Variants in TMTC4 observed in about 807,000 individuals in gnomAD.
The protein encoded by TMTC4 is transmembrane O-mannosyltransferase targeting cadherins 4, also known as protein O-mannosyl-transferase TMTC4.
TMTC4 carries 65 observed loss-of-function variants against 86.0 expected under a neutral mutation model. That is an observed-to-expected ratio of 0.76 (90% confidence interval 0.62 to 0.93). The LOEUF (loss-of-function observed/expected upper bound fraction) is 0.93, where lower values mean the gene tolerates loss of function less well. Ranked by LOEUF, TMTC4 falls within the 40% of genes least tolerant of loss-of-function variation. The probability of loss-of-function intolerance (pLI) is 0.00; values close to 1 mark genes in which losing one functional copy is unlikely to be tolerated. For missense variants in TMTC4, 866 were observed against 948.1 expected (o/e 0.91, Z 1.14); for synonymous variants, 379 against 382.5 (o/e 0.99, Z 0.11).
chr13:100,642,399 C>T, intron 6 of TMTC4, 88 bp from the exon 7 acceptor site: 1 of 1,416,010 alleles, frequency 7.1e-7, no homozygotes, highest in South Asian at 1.2e-5. Context: ...AAGCAAATAC[C>T]TTAAACAACC....
intron 17 of TMTC4, among the ~76,000 whole-genome samples, chr13:100,608,058 G>A (rs1361209280): frequency 6.6e-6 from 1 of 152,226 alleles, no homozygotes; most frequent in Non-Finnish European, 1.5e-5. Context: ...AGGAAGGCCA[G>A]GGAACCACAT....
At chr13:100,674,370 G>C (rs1462412856) in intron 1 of TMTC4, 34 of 973,066 alleles carry the variant, frequency 3.5e-5, no homozygotes, top group Non-Finnish European at 4.1e-5. Flanking sequence ...TGGCCGCTCC[G>C]GGGACGCGCC....
intron 12 of TMTC4, among the ~76,000 whole-genome samples, chr13:100,629,642 A>C (rs1881053328): frequency 6.6e-6 from 1 of 152,138 alleles, no homozygotes; most frequent in South Asian, 2.1e-4. Flanking sequence ...CTTTTTCCTA[A>C]GTAAAATCAC....
chr13:100,609,757 TG>T (rs1877275123), intron 17 of TMTC4, among the ~76,000 whole-genome samples: 1 of 152,082 alleles, frequency 6.6e-6, no homozygotes, highest in African/African-American at 2.4e-5. Context: ...ATTAAGTTGT[TG>T]TGCATTTTTT....
intron 6 of TMTC4, among the ~76,000 whole-genome samples, chr13:100,642,761 C>T (rs879408411): frequency 3.3e-5 from 5 of 152,192 alleles, no homozygotes; most frequent in Non-Finnish European, 5.9e-5. Context: ...TGAGAATCTC[C>T]ACTACTCCTG....
chr13:100,657,985 A>C (rs1036169858), intron 5 of TMTC4, among the ~76,000 whole-genome samples: 1 of 152,120 alleles, frequency 6.6e-6, no homozygotes, highest in African/African-American at 2.4e-5. Flanking sequence ...AGTGAACACC[A>C]CACACACACA....
chr13:100,674,898 G>T (rs1205414950), upstream of TMTC4: 16 of 983,802 alleles, frequency 1.6e-5, no homozygotes, highest in South Asian at 5.2e-4. Flanking sequence ...ACGCGCGCGG[G>T]CGCCCCCCAG....
rs55952539 is a variant in TMTC4, at chr13:100,614,392, C to T, written c.1875G>A (p.Ala625=). Residue 625 remains alanine, a synonymous_variant, in exon 16 of 19, where the codon GCG becomes GCA. Transcript: ENST00000342624. ...GTTTCAGCACGGTGGCATTTCTCCA[C>T]GCATTCAAGGCATCCACGTGGCGAT... is the stretch of plus-strand genomic sequence containing the variant. The part of the protein sequence containing the change: ...DLNRHVDALN[A]WRNATVLKPE... 10,977 of 1,613,180 alleles carry T rather than the reference C, an allele frequency of 6.8e-3. 147 individuals carry two copies. Among genetic ancestry groups the T allele is most frequent in the African/African-American group, 0.057 (4,247 of 74,642 alleles).
intron 12 of TMTC4, among the ~76,000 whole-genome samples, chr13:100,626,809 T>C (rs1880615735): frequency 6.6e-6 from 1 of 152,170 alleles, no homozygotes; most frequent in African/African-American, 2.4e-5. Flanking sequence ...AGCATTTTAC[T>C]CTGTATCTGT....
Position 100,637,521 on chromosome 13 carries a change from G to T in TMTC4, c.999+17C>A, listed in dbSNP as rs1882408385. On this transcript the variant is annotated intron_variant, in intron 9 of 18. Transcript: ENST00000342624. ...GGGGAAGAAAAGAGTCCAGGGGGCG[G>T]CAGGCTCAGAACTCACCCTCACCAG... 1.3e-6 allele frequency: 2 copies of T among 1,598,498 alleles called. No individual in the cohort carries two copies. The highest frequency in any genetic ancestry group is 1.7e-6 in the Non-Finnish European group (2 of 1,169,800).
chr13:100,667,605 G>A (rs1355865896), intron 3 of TMTC4, among the ~76,000 whole-genome samples: 1 of 152,076 alleles, frequency 6.6e-6, no homozygotes, highest in Non-Finnish European at 1.5e-5. Context: ...TTTTCAGTAT[G>A]AAAATGACTT....
intron 5 of TMTC4, among the ~76,000 whole-genome samples, chr13:100,657,463 T>C (rs887746550): frequency 2.6e-5 from 4 of 152,244 alleles, no homozygotes; most frequent in African/African-American, 9.6e-5. Context: ...TCAGTAAGAA[T>C]GAAGCAATAT....
rs936020229 is a variant in TMTC4 at position 100,670,581 on chromosome 13, A to G, written c.-207-12T>C. The G allele has an allele frequency of 1.9e-6, 1 of 522,750 alleles. No individual in the cohort carries two copies. Among genetic ancestry groups the G allele is most frequent in the African/African-American group, 2.0e-5 (1 of 50,564 alleles). 32.4% of individuals were successfully genotyped at this position (522,750 alleles called of 1,614,324 possible). On this transcript the variant is annotated splice_polypyrimidine_tract_variant and intron_variant, in intron 1 of 18. Coordinates refer to ENST00000342624, the MANE Select transcript of TMTC4 (RefSeq NM_032813.5). ...AATCTAAATTACAACTGCAAACACA[A>G]CACAGGTTAGCACACAGACCCCAAC...
At chr13:100,611,354 G>C (rs1341339490) in intron 17 of TMTC4, among the ~76,000 whole-genome samples, 1 of 152,204 alleles carries the variant, frequency 6.6e-6, no homozygotes, top group East Asian at 1.9e-4. Flanking sequence ...GGGAAGCCGA[G>C]GAGGGTGGAT....
At chr13:100,657,725 C>G (rs1885276696) in intron 5 of TMTC4, among the ~76,000 whole-genome samples, 1 of 152,162 alleles carries the variant, frequency 6.6e-6, no homozygotes, top group Non-Finnish European at 1.5e-5. Flanking sequence ...ATAAAGGACT[C>G]TTCTATAAAT....
chr13:100,636,399 C>A (rs1481209602), intron 10 of TMTC4, 133 bp downstream of exon 10: 10 of 1,082,780 alleles, frequency 9.2e-6, no homozygotes, highest in Admixed American at 7.0e-5. Flanking sequence ...CTCATCCTAG[C>A]CATAAATATG....
chr13:100,611,579 C>T (rs917279922), intron 17 of TMTC4, among the ~76,000 whole-genome samples: 9 of 151,800 alleles, frequency 5.9e-5, no homozygotes, highest in African/African-American at 1.7e-4. Flanking sequence ...AGCGAGACTC[C>T]GTCTCAAAAA....
intron 6 of TMTC4, among the ~76,000 whole-genome samples, chr13:100,653,276 C>G (rs1884672239): frequency 6.6e-6 from 1 of 152,178 alleles, no homozygotes; most frequent in Admixed American, 6.5e-5. Flanking sequence ...TCGCTAAGAA[C>G]AGTGCCTCTG....
chr13:100,667,415 C>T (rs762861935), intron 3 of TMTC4, among the ~76,000 whole-genome samples: 13 of 151,864 alleles, frequency 8.6e-5, no homozygotes, highest in Non-Finnish European at 1.6e-4. Flanking sequence ...GGCAACAGAA[C>T]GAGACTCTGT....
Sources: allele counts gnomAD v4.1 joint callset (sites outside exome capture counted in the v4.1 genomes callset), GRCh38; gene constraint gnomAD v4.1.1; transcripts MANE v1.5; gene names NCBI Gene and HGNC (gene_info 2026-07-23, HGNC 2026-07-21).